NFATC2: variants seen among roughly 807,000 people sequenced by gnomAD.
NFATC2 encodes the protein nuclear factor of activated T-cells, cytoplasmic 2.
Under a neutral mutation model 87.3 loss-of-function variants are expected in NFATC2, and 22 were observed. The ratio of observed to expected loss-of-function variants is 0.25; its 90% CI spans 0.18 to 0.36. The LOEUF is 0.36. NFATC2 is among the 10% of genes least tolerant of loss of function. The pLI, the probability that NFATC2 is intolerant of heterozygous loss-of-function variation, is 1.00. For synonymous variants in NFATC2, 565 were observed against 542.2 expected, an observed-to-expected ratio of 1.04 and a Z score of -0.58; for missense variants, 1,149 against 1,259.1, an observed-to-expected ratio of 0.91 and a Z score of 1.32.
At chr20:51,521,132 C>G (rs989248734) in intron 2 of NFATC2, among the ~76,000 whole-genome samples, 4 of 152,220 alleles carry the variant, frequency 2.6e-5, no homozygotes, top group Non-Finnish European at 5.9e-5. Context: ...AAAGATACAA[C>G]AACTGACATA....
At chr20:51,491,495 C>A (rs931996729) in intron 3 of NFATC2, among the ~76,000 whole-genome samples, 3 of 152,100 alleles carry the variant, frequency 2.0e-5, no homozygotes, top group African/African-American at 7.2e-5. Context: ...GCAGTGTTTG[C>A]CCATTTCCAC....
chr20:51,468,432 G>A (rs1014199580), intron 5 of NFATC2, among the ~76,000 whole-genome samples: 8 of 152,232 alleles, frequency 5.3e-5, no homozygotes, highest in Non-Finnish European at 1.0e-4. Flanking sequence ...AATGAGCAAA[G>A]CGAATTTACA....
intron 1 of NFATC2, among the ~76,000 whole-genome samples, chr20:51,532,610 G>A (rs2076652654): frequency 6.6e-6 from 1 of 152,208 alleles, no homozygotes; most frequent in Non-Finnish European, 1.5e-5. Flanking sequence ...CCCCCTGGAA[G>A]CTCTGTGAGC....
chr20:51,464,444 C>A (rs941444656), intron 5 of NFATC2, among the ~76,000 whole-genome samples: 1 of 152,226 alleles, frequency 6.6e-6, no homozygotes, highest in African/African-American at 2.4e-5. Flanking sequence ...AGGATTTGAA[C>A]CCAAGCTACC....
chr20:51,459,979 T>A (rs996206359), intron 5 of NFATC2, among the ~76,000 whole-genome samples: 1 of 152,202 alleles, frequency 6.6e-6, no homozygotes, highest in African/African-American at 2.4e-5. Flanking sequence ...TGTACTGAAT[T>A]GCATACTTGA....
chr20:51,431,369 A>C (rs1982675100), intron 9 of NFATC2, among the ~76,000 whole-genome samples: 1 of 152,086 alleles, frequency 6.6e-6, no homozygotes, highest in African/African-American at 2.4e-5. Context: ...CAGCTTCTCC[A>C]CAAGACTACC....
At chr20:51,461,985 G>T (rs1015373742) in intron 5 of NFATC2, among the ~76,000 whole-genome samples, 2 of 152,022 alleles carry the variant, frequency 1.3e-5, no homozygotes. Context: ...TGGGCGTGGT[G>T]GTACGTGCCT....
At chr20:51,401,881 G>A (rs1301028377) in intron 9 of NFATC2, among the ~76,000 whole-genome samples, 3 of 152,048 alleles carry the variant, frequency 2.0e-5, no homozygotes, top group African/African-American at 4.8e-5. Flanking sequence ...ACAGACAAAA[G>A]TACAGACCCA....
At chr20:51,517,102 A>G (rs937696627) in intron 2 of NFATC2, 147 bp from the exon 3 acceptor site, 1 of 846,322 alleles carries the variant, frequency 1.2e-6, no homozygotes, top group Non-Finnish European at 1.8e-6. Context: ...ATGCACCATT[A>G]TGTGAACATC....
At chr20:51,489,634 G>C (rs972702982) in intron 3 of NFATC2, among the ~76,000 whole-genome samples, 27 of 152,094 alleles carry the variant, frequency 1.8e-4, no homozygotes, top group African/African-American at 6.5e-4. Context: ...ACAAACTCAA[G>C]GTACAAATGG....
chr20:51,413,858 T>C (rs1235617217), intron 9 of NFATC2, among the ~76,000 whole-genome samples: 1 of 152,320 alleles, frequency 6.6e-6, no homozygotes, highest in East Asian at 1.9e-4. Flanking sequence ...TTACTTAACC[T>C]CCCTGGGCTA....
At position 51,480,289 on chromosome 20, in the gene NFATC2, A is replaced by AAAAAAATAAAAT. The variant is rs539734834; in HGVS notation, c.1333-4630_1333-4629insATTTTATTTTTT. ...GGTCACAAAGCAAGACTCTGTCTCAAAAAAAATAGAATGTGCTTCCTGCCG... is the reference window on the plus strand; with the variant it reads ...GGTCACAAAGCAAGACTCTGTCTCAAAAAAAATAAAATAAAAAATAGAATGTGCTTCCTGCCG... On this transcript the variant is annotated intron_variant, in intron 3 of 10. Coordinates refer to ENST00000371564, the MANE Select transcript of NFATC2 (RefSeq NM_012340.5). This position sits in a 1 kb window ranked among gnomAD's most constrained non-coding sequence, Gnocchi z 4.2. Among the ~76,000 whole-genome samples the AAAAAAATAAAAT allele has an allele frequency of 0.28, 42,857 of 151,556 alleles. 8,017 individuals are homozygous for AAAAAAATAAAAT. The highest frequency in any genetic ancestry group is 0.54 in the African/African-American group (22,102 of 41,156).
intron 5 of NFATC2, among the ~76,000 whole-genome samples, chr20:51,472,801 A>G (rs1171885601): frequency 6.6e-6 from 1 of 151,796 alleles, no homozygotes; most frequent in Admixed American, 6.6e-5. Context: ...ACACCCGGCT[A>G]ATTTTGTATT....
At chr20:51,561,930 A>G (rs1284657899) in intron 1 of NFATC2, among the ~76,000 whole-genome samples, 4 of 152,162 alleles carry the variant, frequency 2.6e-5, no homozygotes, top group African/African-American at 4.8e-5. Flanking sequence ...AGGGGGAAAG[A>G]AGCAGAAACA....
At chr20:51,520,267 G>A (rs1434723945) in intron 2 of NFATC2, among the ~76,000 whole-genome samples, 1 of 152,122 alleles carries the variant, frequency 6.6e-6, no homozygotes, top group East Asian at 1.9e-4. Flanking sequence ...TAAAATCATG[G>A]TTTGGAGACT....
At position 51,390,371 on chromosome 20, in the gene NFATC2, G is replaced by GGGCTGT. The variant is rs1986185826; in HGVS notation, c.*1119_*1124dup. ...TAGAAACCCACCTCCAGAAGCACTTGGGCTGTTTTACTTAACAAAAATACC... is the reference window on the plus strand; with the variant it reads ...TAGAAACCCACCTCCAGAAGCACTTGGGCTGTGGCTGTTTTACTTAACAAAAATACC... On this transcript the variant is annotated 3_prime_UTR_variant, in exon 11 of 11. Coordinates refer to ENST00000371564, the MANE Select transcript of NFATC2 (RefSeq NM_012340.5). 6.6e-6 allele frequency: 1 copy of GGGCTGT among 152,172 alleles called. No homozygotes were observed. Among genetic ancestry groups the GGGCTGT allele is most frequent in the Admixed American group, 6.6e-5 (1 of 15,266 alleles). 9.4% of individuals were successfully genotyped at this position (152,172 alleles called of 1,614,324 possible).
intron 1 of NFATC2, among the ~76,000 whole-genome samples, chr20:51,560,206 A>G (rs150546977): frequency 7.1e-4 from 108 of 152,244 alleles, no homozygotes; most frequent in African/African-American, 2.5e-3. Context: ...TCTCATAACA[A>G]CCCTGGAAGA....
In NFATC2 at chr20:51,459,029, T is replaced by A. The variant is rs1209973200; in HGVS notation, c.1709-4341A>T. On this transcript the variant is annotated intron_variant, in intron 5 of 10. Coordinates refer to ENST00000371564, the MANE Select transcript of NFATC2 (RefSeq NM_012340.5). ...CAAGTCACTTCACCTAAGTCACAGATGCCTCCTCTGTAAGGTCACAACAGT... is the reference window on the plus strand; with the variant it reads ...CAAGTCACTTCACCTAAGTCACAGAAGCCTCCTCTGTAAGGTCACAACAGT... Among the ~76,000 whole-genome samples, 2 of 152,182 alleles carry A rather than the reference T, an allele frequency of 1.3e-5. 1 individual carries two copies. The highest frequency in any genetic ancestry group is 4.1e-4 in the South Asian group (2 of 4,830).
intron 9 of NFATC2, among the ~76,000 whole-genome samples, chr20:51,428,512 G>A (rs1206263920): frequency 6.6e-6 from 1 of 152,238 alleles, no homozygotes; most frequent in Non-Finnish European, 1.5e-5. Context: ...AAGCCAGCCG[G>A]CGTCTGTGTG....
Sources: allele counts gnomAD v4.1 joint callset (sites outside exome capture counted in the v4.1 genomes callset), GRCh38; gene constraint gnomAD v4.1.1; non-coding constraint Gnocchi (gnomAD v3.1); transcripts MANE v1.5; gene names NCBI Gene and HGNC (gene_info 2026-07-23, HGNC 2026-07-21).